The following SNTG1 variants were observed in gnomAD, a reference collection of about 807,000 sequenced individuals.
SNTG1 encodes syntrophin gamma 1.
A neutral mutation model predicts 74.7 loss-of-function variants in SNTG1; 39 were observed. The observed-to-expected ratio is 0.52, with a 90% CI of 0.40 to 0.68. The LOEUF (loss-of-function observed/expected upper bound fraction) is 0.68, where lower values mean the gene tolerates loss of function less well. SNTG1 is among the 30% of genes least tolerant of loss of function. The probability of loss-of-function intolerance (pLI) is 0.00; values close to 1 mark genes in which losing one functional copy is unlikely to be tolerated. For missense variants in SNTG1, 685 were observed against 609.5 expected (o/e 1.12, Z -1.30); for synonymous variants, 254 against 217.1 (o/e 1.17, Z -1.49).
At chr8:50,695,686 A>G (rs1423595273) in intron 15 of SNTG1, among the ~76,000 whole-genome samples, 1 of 151,644 alleles carries the variant, frequency 6.6e-6, no homozygotes, top group Non-Finnish European at 1.5e-5. Context: ...AGGCTTACCC[A>G]TTGTTTACTT....
rs58962169 is a variant in SNTG1 at position 49,982,817 on chromosome 8, A to C, written c.-103+70586A>C. Among the ~76,000 whole-genome samples, 549 of 152,300 alleles carry C rather than the reference A, an allele frequency of 3.6e-3. 6 individuals are homozygous for C. The highest frequency in any genetic ancestry group is 0.011 in the African/African-American group (451 of 41,572). ...TATTTGTCTATTAACACTTATGTCC[A>C]TGTTTCCTACAATACTCATAGAAGA... On this transcript the variant is annotated intron_variant, in intron 1 of 18. Transcript: ENST00000642720.
intron 17 of SNTG1, among the ~76,000 whole-genome samples, chr8:50,714,116 G>T (rs1291007709): frequency 6.8e-6 from 1 of 147,502 alleles, no homozygotes; most frequent in Non-Finnish European, 1.5e-5. Context: ...GCTTGTTTTT[G>T]TCAGATTTGT....
At chr8:50,157,483 T>G (rs943148965) in intron 1 of SNTG1, among the ~76,000 whole-genome samples, 9 of 152,086 alleles carry the variant, frequency 5.9e-5, no homozygotes, top group Admixed American at 5.9e-4. Context: ...AAAATACATA[T>G]TAGTATACAC....
intron 2 of SNTG1, among the ~76,000 whole-genome samples, chr8:50,246,921 A>T (rs117584940): frequency 0.011 from 1,634 of 152,274 alleles, 14 homozygotes; most frequent in Middle Eastern, 0.051. Context: ...CACTGTTACA[A>T]TTCTTTAAGC....
At chr8:50,289,672 C>G (rs924391984) in intron 2 of SNTG1, among the ~76,000 whole-genome samples, 2 of 152,120 alleles carry the variant, frequency 1.3e-5, no homozygotes, top group East Asian at 3.8e-4. Flanking sequence ...TTGCTGTATT[C>G]CCAGTGCCTA....
In SNTG1 at chr8:50,664,277, G is replaced by C. The variant is rs140693591; in HGVS notation, c.1038+5614G>C. On this transcript the variant is annotated intron_variant, in intron 15 of 18. Coordinates refer to ENST00000642720, the MANE Select transcript of SNTG1 (RefSeq NM_018967.5). ...CCTGCCAACAGGGGTGTGTTGAGCTGTTAGGGAAACTGTCATTTATTCAAC... is the reference window on the plus strand; with the variant it reads ...CCTGCCAACAGGGGTGTGTTGAGCTCTTAGGGAAACTGTCATTTATTCAAC... Among the ~76,000 whole-genome samples, 400 of 152,266 alleles carry C rather than the reference G, an allele frequency of 2.6e-3. 1 individual carries two copies. Among genetic ancestry groups the C allele is most frequent in the Non-Finnish European group, 4.6e-3 (313 of 68,026 alleles).
chr8:50,635,375 G>T (rs1294098093), intron 13 of SNTG1, among the ~76,000 whole-genome samples: 1 of 152,098 alleles, frequency 6.6e-6, no homozygotes, highest in African/African-American at 2.4e-5. Flanking sequence ...TTCCCTTAGG[G>T]GCAGTGAGTT....
intron 2 of SNTG1, among the ~76,000 whole-genome samples, chr8:50,236,288 G>A (rs1162418196): frequency 6.6e-6 from 1 of 152,172 alleles, no homozygotes; most frequent in African/African-American, 2.4e-5. Flanking sequence ...ATAACTGAAC[G>A]TAGACAGACA....
At chr8:50,217,312 T>A (rs1240698633) in intron 2 of SNTG1, among the ~76,000 whole-genome samples, 1 of 152,046 alleles carries the variant, frequency 6.6e-6, no homozygotes, top group East Asian at 1.9e-4. Flanking sequence ...GAAAGAAGTA[T>A]TAATGAAGGG....
chr8:50,019,661 T>A (rs1448644444), intron 1 of SNTG1, among the ~76,000 whole-genome samples: 1 of 152,074 alleles, frequency 6.6e-6, no homozygotes, highest in East Asian at 1.9e-4. Flanking sequence ...TAAAACTGAT[T>A]CATACATTCT....
intron 17 of SNTG1, among the ~76,000 whole-genome samples, chr8:50,731,705 A>G (rs1040779090): frequency 6.6e-6 from 1 of 152,130 alleles, no homozygotes; most frequent in Non-Finnish European, 1.5e-5. Flanking sequence ...TGCTATCAAA[A>G]ATGGTGATGT....
intron 8 of SNTG1, among the ~76,000 whole-genome samples, chr8:50,497,905 A>C: frequency 6.6e-6 from 1 of 151,944 alleles, no homozygotes; most frequent in East Asian, 1.9e-4. Context: ...TAATTATTTT[A>C]TATTTATTCA....
At chr8:50,481,103 C>T (rs546077766) in intron 8 of SNTG1, among the ~76,000 whole-genome samples, 1 of 152,334 alleles carries the variant, frequency 6.6e-6, no homozygotes, top group South Asian at 2.1e-4. Context: ...ACAGCACAGG[C>T]TGGGCGCGGT....
chr8:50,225,517 A>G (rs1282115405), intron 2 of SNTG1, among the ~76,000 whole-genome samples: 2 of 152,128 alleles, frequency 1.3e-5, no homozygotes, highest in Non-Finnish European at 2.9e-5. Flanking sequence ...CTCATCTTAC[A>G]TGTATTGATT....
At chr8:50,095,363 T>C (rs1179830728) in intron 1 of SNTG1, among the ~76,000 whole-genome samples, 1 of 152,190 alleles carries the variant, frequency 6.6e-6, no homozygotes, top group Non-Finnish European at 1.5e-5. Flanking sequence ...GAAACCTTTC[T>C]GTGGATGTGA....
At chr8:50,759,012 C>T (rs369728062) in intron 18 of SNTG1, among the ~76,000 whole-genome samples, 2 of 152,016 alleles carry the variant, frequency 1.3e-5, no homozygotes, top group African/African-American at 2.4e-5. Flanking sequence ...TTCTAACTGA[C>T]GTGAGATGGT....
intron 1 of SNTG1, among the ~76,000 whole-genome samples, chr8:49,955,366 C>T (rs1308125943): frequency 6.6e-6 from 1 of 152,196 alleles, no homozygotes; most frequent in East Asian, 1.9e-4. Flanking sequence ...CGATGGCAGG[C>T]TGTCTTCATA....
At chr8:50,460,907 A>G (rs888988912) in intron 8 of SNTG1, among the ~76,000 whole-genome samples, 17 of 152,136 alleles carry the variant, frequency 1.1e-4, no homozygotes, top group Admixed American at 9.2e-4. Flanking sequence ...CCTAATATTA[A>G]TATCTTTTGA....
intron 2 of SNTG1, among the ~76,000 whole-genome samples, chr8:50,347,439 G>A (rs1269994280): frequency 6.6e-6 from 1 of 152,162 alleles, no homozygotes; most frequent in Non-Finnish European, 1.5e-5. Context: ...CAATGAACTT[G>A]ATCACCCAAA....
Sources: gnomAD v4.1 joint callset for allele counts (sites outside exome capture counted in the v4.1 genomes callset) on GRCh38, gnomAD v4.1.1 for gene constraint, MANE v1.5 for transcripts, NCBI Gene and HGNC (gene_info 2026-07-23, HGNC 2026-07-21) for gene names.